Variants in NRG3 observed in about 807,000 individuals in gnomAD.
NRG3 encodes pro-neuregulin-3, membrane-bound isoform.
Under a neutral mutation model 66.9 loss-of-function variants are expected in NRG3, and 31 were observed. The observed-to-expected ratio is 0.46, with a 90% CI of 0.35 to 0.63. NRG3 has a LOEUF of 0.63. Ranked by LOEUF, NRG3 falls within the 20% of genes least tolerant of loss-of-function variation. The pLI is 0.00. For synonymous variants in NRG3, 393 were observed against 359.4 expected, an observed-to-expected ratio of 1.09 and a Z score of -1.06; for missense variants, 910 against 878.9, an observed-to-expected ratio of 1.04 and a Z score of -0.45.
At chr10:82,147,303 TG>T (rs764310550) in intron 1 of NRG3, among the ~76,000 whole-genome samples, 1 of 152,206 alleles carries the variant, frequency 6.6e-6, no homozygotes, top group Non-Finnish European at 1.5e-5. Context: ...AGCTTGGATT[TG>T]ATCTCACATT....
chr10:82,511,783 G>A (rs982767221), intron 2 of NRG3, among the ~76,000 whole-genome samples: 2 of 151,996 alleles, frequency 1.3e-5, no homozygotes, highest in Non-Finnish European at 2.9e-5. Flanking sequence ...GGGGAAGAGT[G>A]TGATGAATAG....
rs776035041 is a variant in NRG3 at position 82,600,494 on chromosome 10, G to A, written c.954-138083G>A. 7.9e-5 allele frequency among the ~76,000 whole-genome samples: 12 copies of A among 151,932 alleles called. No individual in the cohort carries two copies. The South Asian group carries it at 8.3e-4, about 10-fold the overall frequency. ...TTATTTATTTGCTATTTTTTGAGACGGAGTCTCGCTCTGTCACCCTGGCTG... is the reference window on the plus strand; with the variant it reads ...TTATTTATTTGCTATTTTTTGAGACAGAGTCTCGCTCTGTCACCCTGGCTG... On this transcript the variant is annotated intron_variant, in intron 2 of 8. Transcript: ENST00000372141.
At chr10:81,957,551 G>A (rs1004511705) in intron 1 of NRG3, among the ~76,000 whole-genome samples, 2 of 151,838 alleles carry the variant, frequency 1.3e-5, no homozygotes, top group African/African-American at 2.4e-5. Flanking sequence ...TTTTACTTCC[G>A]TTTCTAGTAG....
At chr10:82,198,096 T>C (rs2133433147) in intron 1 of NRG3, among the ~76,000 whole-genome samples, 1 of 152,306 alleles carries the variant, frequency 6.6e-6, no homozygotes, top group Non-Finnish European at 1.5e-5. Flanking sequence ...TACATGGTTG[T>C]TCCATTAAAA....
intron 1 of NRG3, among the ~76,000 whole-genome samples, chr10:81,899,979 T>C (rs966734283): frequency 6.6e-6 from 1 of 152,048 alleles, no homozygotes; most frequent in Non-Finnish European, 1.5e-5. Context: ...TTCTTTTTTT[T>C]TTTTTCTTTT....
chr10:82,406,358 A>C (rs1373392011), intron 2 of NRG3, among the ~76,000 whole-genome samples: 2 of 152,186 alleles, frequency 1.3e-5, no homozygotes, highest in Admixed American at 6.5e-5. Flanking sequence ...TCTCTACAGC[A>C]CATTGTTGCC....
intron 2 of NRG3, among the ~76,000 whole-genome samples, chr10:82,576,979 C>T (rs1386167214): frequency 6.6e-6 from 1 of 151,726 alleles, no homozygotes; most frequent in East Asian, 1.9e-4. Context: ...CAATGAGTGA[C>T]TTTTATTTGC....
At chr10:82,856,571 C>G (rs1028849268) in intron 3 of NRG3, among the ~76,000 whole-genome samples, 3 of 151,518 alleles carry the variant, frequency 2.0e-5, no homozygotes, top group South Asian at 2.1e-4. Context: ...ATGGGAAAAC[C>G]CTGTCTCTAC....
chr10:82,806,865 C>G (rs1417666918), intron 3 of NRG3, among the ~76,000 whole-genome samples: 1 of 152,090 alleles, frequency 6.6e-6, no homozygotes, highest in Non-Finnish European at 1.5e-5. Flanking sequence ...AGATAGGCAC[C>G]ATCTGCATGT....
chr10:82,726,938 G>T (rs2057635085), intron 2 of NRG3, among the ~76,000 whole-genome samples: 5 of 152,134 alleles, frequency 3.3e-5, no homozygotes, highest in South Asian at 2.1e-4. Context: ...CTAGAGCAAA[G>T]CTGCCTCTTG....
chr10:82,557,774 G>C (rs1463237450), intron 2 of NRG3, among the ~76,000 whole-genome samples: 1 of 152,136 alleles, frequency 6.6e-6, no homozygotes, highest in Non-Finnish European at 1.5e-5. Flanking sequence ...TGTAATACGT[G>C]AATTTATTTA....
At chr10:81,994,409 T>C (rs889310884) in intron 1 of NRG3, among the ~76,000 whole-genome samples, 9 of 152,124 alleles carry the variant, frequency 5.9e-5, no homozygotes, top group African/African-American at 2.2e-4. Flanking sequence ...AGGTAATATT[T>C]AAAAAAATCA....
At chr10:82,693,814 C>A (rs183045013) in intron 2 of NRG3, among the ~76,000 whole-genome samples, 1 of 152,200 alleles carries the variant, frequency 6.6e-6, no homozygotes, top group Admixed American at 6.5e-5. Flanking sequence ...TGGTGCAGAC[C>A]CAAAAAGTGA....
At chr10:82,484,036 T>C (rs981058556) in intron 2 of NRG3, among the ~76,000 whole-genome samples, 1 of 152,258 alleles carries the variant, frequency 6.6e-6, no homozygotes, top group African/African-American at 2.4e-5. Flanking sequence ...AAATTGTATT[T>C]GAATCTGTAA....
At chr10:82,261,365 A>G (rs2078022339) in intron 1 of NRG3, among the ~76,000 whole-genome samples, 1 of 152,136 alleles carries the variant, frequency 6.6e-6, no homozygotes, top group African/African-American at 2.4e-5. Flanking sequence ...AGGCCTCCCC[A>G]GCCATGTGGA....
At chr10:82,519,802 T>C (rs1219699476) in intron 2 of NRG3, among the ~76,000 whole-genome samples, 2 of 152,132 alleles carry the variant, frequency 1.3e-5, no homozygotes, top group Admixed American at 1.3e-4. Flanking sequence ...GCTGGACAGG[T>C]AAGACGCAAC....
intron 2 of NRG3, among the ~76,000 whole-genome samples, chr10:82,454,654 C>A (rs1343425646): frequency 6.6e-6 from 1 of 152,088 alleles, no homozygotes; most frequent in East Asian, 1.9e-4. Flanking sequence ...GGAAAGCACC[C>A]AATTTCAGAT....
At chr10:82,807,552 A>G (rs2061340598) in intron 3 of NRG3, among the ~76,000 whole-genome samples, 1 of 152,156 alleles carries the variant, frequency 6.6e-6, no homozygotes, top group African/African-American at 2.4e-5. Context: ...CTACAATGTA[A>G]TTTCCTTTCT....
At chr10:82,950,985 GTCAA>G (rs1263113074) in intron 4 of NRG3, among the ~76,000 whole-genome samples, 1 of 150,200 alleles carries the variant, frequency 6.7e-6, no homozygotes, top group African/African-American at 2.4e-5. Flanking sequence ...CATGAGTGAT[GTCAA>G]TCATAGTGAT....
Sources: gnomAD v4.1 joint callset for allele counts (sites outside exome capture counted in the v4.1 genomes callset) on GRCh38, gnomAD v4.1.1 for gene constraint, MANE v1.5 for transcripts, NCBI Gene and HGNC (gene_info 2026-07-23, HGNC 2026-07-21) for gene names.